MGAT4B: variants seen among roughly 807,000 people sequenced by gnomAD.
MGAT4B encodes the protein alpha-1,3-mannosyl-glycoprotein 4-beta-N-acetylglucosaminyltransferase B, also known as N-acetylglucosaminyltransferase IVb.
In MGAT4B, 38 loss-of-function variants were observed where a neutral mutation model predicts 73.9. The observed-to-expected ratio is 0.51, with a 90% CI of 0.40 to 0.67. MGAT4B has a LOEUF of 0.67. Among genes scored for constraint, MGAT4B ranks in the 30% least tolerant of loss-of-function variants. The pLI is 0.00. For synonymous variants in MGAT4B, 373 were observed against 313.5 expected (o/e 1.19, Z -2.01); for missense variants, 686 against 735.2 (o/e 0.93, Z 0.77).
rs750797973 is a variant in MGAT4B at position 179,800,140 on chromosome 5, G to A, written c.795+44C>T. The A allele has an allele frequency of 3.1e-6, 5 of 1,610,786 alleles. No individual in the cohort carries two copies. The East Asian group carries it at 1.1e-4, about 36-fold the overall frequency. On this transcript the variant is annotated intron_variant, in intron 7 of 14. Transcript: ENST00000292591. ...ATGGACCAGACCCATCGCAGGGCAGGGCGGCGCAGGGCAGGGCAGGGCAAC... is the reference window on the plus strand; with the variant it reads ...ATGGACCAGACCCATCGCAGGGCAGAGCGGCGCAGGGCAGGGCAGGGCAAC...
Position 179,801,545 on chromosome 5 carries a change from C to CGCCCATACCTCCGGTGCGGCCCTG in MGAT4B, c.409_424+8dup. 6.2e-7 allele frequency: 1 copy of CGCCCATACCTCCGGTGCGGCCCTG among 1,607,882 alleles called. No homozygotes were observed. The highest frequency in any genetic ancestry group is 8.5e-7 in the Non-Finnish European group (1 of 1,177,270). ...CCCACCCCGTGCTCCTCCCTGTCTG[C>CGCCCATACCTCCGGTGCGGCCCTG]GCCCATACCTCCGGTGCGGCCCTGG... is the stretch of plus-strand genomic sequence containing the variant. On this transcript the variant is annotated intron_variant, in intron 3 of 14. Transcript: ENST00000292591. This position sits in a 1 kb window ranked among gnomAD's most constrained non-coding sequence, Gnocchi z 4.8.
chr5:179,805,814 C>T (rs1025837019), intron 1 of MGAT4B, among the ~76,000 whole-genome samples: 1 of 152,254 alleles, frequency 6.6e-6, no homozygotes, highest in Non-Finnish European at 1.5e-5. Flanking sequence ...ATCGCCAAGA[C>T]CGGCCAGCGG....
At position 179,798,021 on chromosome 5, in the gene MGAT4B, AG is replaced by A. The variant is rs1247190108; in HGVS notation, c.*23del. ...AAATGTGGGCTTCAGGGCTGGCCACAGGGTACCCTCAGAAGCCCGCAGCTTA... is the reference window on the plus strand; with the variant it reads ...AAATGTGGGCTTCAGGGCTGGCCACAGGTACCCTCAGAAGCCCGCAGCTTA... On this transcript the variant is annotated 3_prime_UTR_variant, in exon 15 of 15. Transcript: ENST00000292591. 1 of 1,602,768 alleles carries A rather than the reference AG, an allele frequency of 6.2e-7. No homozygotes were observed. Among genetic ancestry groups the A allele is most frequent in the African/African-American group, 1.3e-5 (1 of 74,744 alleles).
rs1454287067 is a variant in MGAT4B, at chr5:179,798,205, G to T, written c.1583C>A (p.Ser528Ter). 1 of 1,600,650 alleles carries T rather than the reference G, an allele frequency of 6.2e-7. No homozygotes were observed. Among genetic ancestry groups the T allele is most frequent in the Non-Finnish European group, 8.5e-7 (1 of 1,172,658 alleles). Residue 528 changes from serine (S) to a stop codon, truncating the protein, a stop_gained, in exon 14 of 15, where the codon TCG (serine) becomes TAG (stop). Transcript: ENST00000292591. LOFTEE classifies it high-confidence loss of function. The stretch of plus-strand genomic sequence containing the variant: ...CCACACAGGGGAGTCCGTCTGGATC[G>T]AGAGGCGCAGTGCTTCCAGAGGGCC... ...AFGPLEALRL[S>*]IQTDSPVWVI...
Position 179,801,938 on chromosome 5 carries a change from G to C in MGAT4B, c.129C>G (p.Phe43Leu). Residue 43 changes from phenylalanine (F) to leucine (L), a missense_variant, in exon 2 of 15, where the codon TTC (phenylalanine) becomes TTG (leucine). By Grantham distance (22) the Phe-to-Leu change is conservative. Around this residue, in one of 2 missense-constraint regions of MGAT4B, gnomAD observed 237 missense variants for 198.5 expected, o/e 1.19. Coordinates refer to ENST00000292591, the MANE Select transcript of MGAT4B (RefSeq NM_014275.5). This position sits in a 1 kb window ranked among gnomAD's most constrained non-coding sequence, Gnocchi z 4.8. The part of the protein sequence containing the change: ...GDVVDVYQRE[F>L]LALRDRLHAA... The stretch of plus-strand genomic sequence containing the variant: ...CGTGCAACCGATCGCGCAGCGCCAG[G>C]AACTCCCGCTGGTAAACGTCCACAA... The C allele has an allele frequency of 6.2e-7, 1 of 1,613,356 alleles. No individual in the cohort carries two copies. The highest frequency in any genetic ancestry group is 1.3e-5 in the African/African-American group (1 of 75,068).
Position 179,806,453 on chromosome 5 carries a change from C to A in MGAT4B, c.97+34G>T. On this transcript the variant is annotated intron_variant, in intron 1 of 14. Coordinates refer to ENST00000292591, the MANE Select transcript of MGAT4B (RefSeq NM_014275.5). The surrounding 1 kb of genome is among the most constrained non-coding windows in gnomAD (Gnocchi z 4.6). ...CGCTCCCGCCGCCGACGCCCAGGTG[C>A]GCCAGGTGCGGGCCGGGCGGGGGTC... is the stretch of plus-strand genomic sequence containing the variant. 1.7e-6 allele frequency: 2 copies of A among 1,211,868 alleles called. No individual in the cohort carries two copies. Among genetic ancestry groups the A allele is most frequent in the Non-Finnish European group, 2.1e-6 (2 of 949,516 alleles). The allele number at this position is 1,211,868 out of a possible 1,614,324, so 75.1% of individuals were successfully genotyped here.
intron 1 of MGAT4B, chr5:179,802,645 G>C: frequency 1.0e-5 from 10 of 986,898 alleles, no homozygotes; most frequent in Non-Finnish European, 1.2e-5. Context: ...CACCCTGAAG[G>C]GTCCGCATGC....
rs779094646 is a variant in MGAT4B at position 179,798,909 on chromosome 5, C to T, written c.1343+19G>A. 6.2e-7 allele frequency: 1 copy of T among 1,613,232 alleles called. No individual in the cohort carries two copies. Among genetic ancestry groups the T allele is most frequent in the Admixed American group, 1.7e-5 (1 of 60,022 alleles). ...ACCCAGCCCCGCCCCCATCGCAGACCCATGGTGCTGGCACTGACCGCTCCA... is the reference window on the plus strand; with the variant it reads ...ACCCAGCCCCGCCCCCATCGCAGACTCATGGTGCTGGCACTGACCGCTCCA... On this transcript the variant is annotated intron_variant, in intron 11 of 14. Coordinates refer to ENST00000292591, the MANE Select transcript of MGAT4B (RefSeq NM_014275.5).
rs1443380347 is a variant in MGAT4B at position 179,806,575 on chromosome 5, G to C, written c.9C>G (p.Leu3=). MR[L]RNGTFLTLLL... Reference sequence around the variant, plus strand: ...GCAGCGTCAGGAAGGTGCCATTGCGGAGCCTCATCTCCTCGGGTGCGCGGC... The same window carrying C: ...GCAGCGTCAGGAAGGTGCCATTGCGCAGCCTCATCTCCTCGGGTGCGCGGC... Residue 3 remains leucine (L), a synonymous_variant, in exon 1 of 15, where the codon CTC becomes CTG. Transcript: ENST00000292591. The surrounding 1 kb of genome is among the most constrained non-coding windows in gnomAD (Gnocchi z 4.6). 2.3e-6 allele frequency: 3 copies of C among 1,286,652 alleles called. No individual in the cohort carries two copies. Among genetic ancestry groups the C allele is most frequent in the Non-Finnish European group, 3.0e-6 (3 of 989,086 alleles). 79.7% of individuals were successfully genotyped at this position (1,286,652 alleles called of 1,614,324 possible). A position where few individuals can be genotyped will look rare whatever the true frequency, so the allele number is the denominator to read the frequency against.
In MGAT4B at chr5:179,800,691, G is replaced by C. The variant is rs181242062; in HGVS notation, c.606-94C>G. The C allele has an allele frequency of 8.8e-4, 984 of 1,118,714 alleles. 3 individuals are homozygous for C. The highest frequency in any genetic ancestry group is 6.5e-3 in the Middle Eastern group (23 of 3,528). The allele number at this position is 1,118,714 out of a possible 1,614,324, so 69.3% of individuals were successfully genotyped here. The stretch of plus-strand genomic sequence containing the variant: ...GTGGCCCTTTCTTGAGGCTCACCCA[G>C]TGCCAGCCCCCCACCACCCCCTACA... On this transcript the variant is annotated intron_variant, in intron 5 of 14. Transcript: ENST00000292591.
rs775476961 is a variant in MGAT4B, at chr5:179,798,624, G to T, written c.1344-33C>A. ...CAGGCAGGCCTGTGAGCTGCTGCAG[G>T]GGCAGCGTTCCAGCACAGCACCCAG... On this transcript the variant is annotated intron_variant, in intron 11 of 14. Transcript: ENST00000292591. 3.1e-6 allele frequency: 5 copies of T among 1,608,950 alleles called. No individual in the cohort carries two copies. In the South Asian group the frequency reaches 5.5e-5, roughly 18 times the overall value.
At position 179,799,568 on chromosome 5, in the gene MGAT4B, G is replaced by A; in HGVS notation, c.979C>T (p.Pro327Ser). The change falls in exon 9 of 15, where the codon CCC becomes TCC. Residue 327 changes from proline (P) to serine (S), a missense_variant. Coordinates refer to ENST00000292591, the MANE Select transcript of MGAT4B (RefSeq NM_014275.5). ...ATATGGTCCAGGAGCCAGTCGATGG[G>A]CTTGTCCCGGTAGAACATGAGAATG... ...EFILMFYRDK[P>S]IDWLLDHILW... The A allele has an allele frequency of 6.2e-7, 1 of 1,613,998 alleles. No individual in the cohort carries two copies. The highest frequency in any genetic ancestry group is 1.1e-5 in the South Asian group (1 of 91,082).
chr5:179,802,560 A>T (rs1485978373), intron 1 of MGAT4B: 1 of 995,786 alleles, frequency 1.0e-6, no homozygotes, highest in Non-Finnish European at 1.2e-6. Context: ...GCTCAAGGAC[A>T]GTCAACAGCA....
rs11547062 is a variant in MGAT4B at position 179,801,896 on chromosome 5, G to C, written c.171C>G (p.Ser57Arg). ...GGTTGAGCTCCTTGGAGCGCTTGAG[G>C]CTCTCCTGCTCAGCTGCGTGCAACC... ...RDRLHAAEQE[S>R]LKRSKELNLV... Residue 57 changes from serine to arginine, a missense_variant, in exon 2 of 15, where the codon AGC (serine) becomes AGG (arginine). By Grantham distance (110) the Ser-to-Arg change is moderately radical (BLOSUM62 -1). Around this residue, in one of 2 missense-constraint regions of MGAT4B, gnomAD observed 237 missense variants for 198.5 expected, o/e 1.19. Coordinates refer to ENST00000292591, the MANE Select transcript of MGAT4B (RefSeq NM_014275.5). This position sits in a 1 kb window ranked among gnomAD's most constrained non-coding sequence, Gnocchi z 4.8. 6.2e-7 allele frequency: 1 copy of C among 1,613,150 alleles called. No homozygotes were observed. The highest frequency in any genetic ancestry group is 8.5e-7 in the Non-Finnish European group (1 of 1,179,770).
In MGAT4B at chr5:179,801,787, T is replaced by C; in HGVS notation, c.280A>G (p.Thr94Ala). Residue 94 changes from threonine (T) to alanine (A), a missense_variant, in exon 2 of 15, where the codon ACA (threonine) becomes GCA (alanine). Coordinates refer to ENST00000292591, the MANE Select transcript of MGAT4B (RefSeq NM_014275.5). The surrounding 1 kb of genome is among the most constrained non-coding windows in gnomAD (Gnocchi z 4.8). ...CCCCTCCCGCCCCAGACCTCACCTG[T>C]TAGGCGGCCCCAGGTGCGATTGCCG... ...GDGNRTWGRL[T>A]EDPRLKPWNG... is the part of the protein sequence containing the mutation. 1 of 1,577,514 alleles carries C rather than the reference T, an allele frequency of 6.3e-7. No individual in the cohort carries two copies. The highest frequency in any genetic ancestry group is 8.6e-7 in the Non-Finnish European group (1 of 1,157,928).
At chr5:179,799,897 A>AGGATGGCAGAGGCAGGTGGGACT (rs1756829819) in intron 8 of MGAT4B, 57 bp downstream of exon 8, 1 of 1,482,036 alleles carries the variant, frequency 6.7e-7, no homozygotes, top group African/African-American at 1.4e-5. Flanking sequence ...ACTGGGAGAG[A>AGGATGGCAGAGGCAGGTGGGACT]GGATGGCAGA....
In MGAT4B at chr5:179,806,312, C is replaced by T. The variant is rs1157105834; in HGVS notation, c.97+175G>A. ...CGCGGCCCGGGCCCGAGGAGAACGC[C>T]GCGGCTCCAGCAGCAAACAAGTGGG... On this transcript the variant is annotated intron_variant, in intron 1 of 14. Transcript: ENST00000292591. This position sits in a 1 kb window ranked among gnomAD's most constrained non-coding sequence, Gnocchi z 4.6. 2 of 205,798 alleles carry T rather than the reference C, an allele frequency of 9.7e-6. No homozygotes were observed. The highest frequency in any genetic ancestry group is 2.0e-3 in the Middle Eastern group (1 of 502). 12.7% of individuals were successfully genotyped at this position (205,798 alleles called of 1,614,324 possible). A position where few individuals can be genotyped will look rare whatever the true frequency, so the allele number is the denominator to read the frequency against.
In MGAT4B at chr5:179,801,953, A is replaced by C; in HGVS notation, c.114T>G (p.Val38=). Residue 38 remains valine, a synonymous_variant, in exon 2 of 15, where the codon GTT becomes GTG. Transcript: ENST00000292591. This position sits in a 1 kb window ranked among gnomAD's most constrained non-coding sequence, Gnocchi z 4.8. ...GCAGCGCCAGGAACTCCCGCTGGTAAACGTCCACAACGTCGCCTGCAGGTG... is the reference window on the plus strand; with the variant it reads ...GCAGCGCCAGGAACTCCCGCTGGTACACGTCCACAACGTCGCCTGCAGGTG... ...LSGQKGDVVD[V]YQREFLALRD... is the part of the protein sequence containing the mutation. 6.2e-7 allele frequency: 1 copy of C among 1,613,346 alleles called. No individual in the cohort carries two copies. Among genetic ancestry groups the C allele is most frequent in the South Asian group, 1.1e-5 (1 of 91,086 alleles).
chr5:179,806,321 A>G lies in MGAT4B; in HGVS notation c.97+166T>C, dbSNP rs1448013780. 2 of 203,942 alleles carry G rather than the reference A, an allele frequency of 9.8e-6. No homozygotes were observed. The highest frequency in any genetic ancestry group is 5.2e-5 in the African/African-American group (2 of 38,300). The allele number at this position is 203,942 out of a possible 1,614,324, so 12.6% of individuals were successfully genotyped here. ...GGCCCGAGGAGAACGCCGCGGCTCC[A>G]GCAGCAAACAAGTGGGGGAGGGTGG... On this transcript the variant is annotated intron_variant, in intron 1 of 14. Coordinates refer to ENST00000292591, the MANE Select transcript of MGAT4B (RefSeq NM_014275.5). The surrounding 1 kb of genome is among the most constrained non-coding windows in gnomAD (Gnocchi z 4.6).
Sources: allele counts gnomAD v4.1 joint callset (sites outside exome capture counted in the v4.1 genomes callset), GRCh38; gene constraint gnomAD v4.1.1; regional missense constraint gnomAD v4.1.1; non-coding constraint Gnocchi (gnomAD v3.1); transcripts MANE v1.5; gene names NCBI Gene and HGNC (gene_info 2026-07-23, HGNC 2026-07-21).